NAA25: variants seen among roughly 807,000 people sequenced by gnomAD.
NAA25 encodes N-terminal acetyltransferase B complex subunit NAA25.
In NAA25, 30 loss-of-function variants were observed where a neutral mutation model predicts 132.5. The observed-to-expected ratio is 0.23, with a 90% CI of 0.17 to 0.31. The LOEUF (loss-of-function observed/expected upper bound fraction) is 0.31. Ranked by LOEUF, NAA25 falls within the 10% of genes least tolerant of loss-of-function variation. The probability of loss-of-function intolerance (pLI) is 1.00; values close to 1 mark genes in which losing one functional copy is unlikely to be tolerated. For missense variants in NAA25, 771 were observed against 1,150.4 expected (o/e 0.67, Z 4.77); for synonymous variants, 359 against 401.9 (o/e 0.89, Z 1.28).
chr12:112,026,888 A>G lies in NAA25; in HGVS notation c.*2643T>C, dbSNP rs79537185. 42 of 152,698 alleles carry G rather than the reference A, an allele frequency of 2.8e-4. No individual in the cohort carries two copies. In the East Asian group the frequency reaches 7.9e-3, roughly 29 times the overall value. 9.5% of individuals were successfully genotyped at this position (152,698 alleles called of 1,614,324 possible). ...AAAAGTTAAAATGAAAGACAAATCC[A>G]GATTGAACATAGTGATTGCAAAATA... On this transcript the variant is annotated 3_prime_UTR_variant, in exon 24 of 24. Coordinates refer to ENST00000261745, the MANE Select transcript of NAA25 (RefSeq NM_024953.4).
intron 19 of NAA25, 115 bp downstream of exon 19, chr12:112,042,973 C>T (rs1337978993): frequency 5.1e-6 from 5 of 979,722 alleles, no homozygotes; most frequent in Non-Finnish European, 5.9e-6. Context: ...ATTTGCAGAA[C>T]AGCTTCCAGC....
In NAA25 at chr12:112,061,319, C is replaced by T; in HGVS notation, c.1219G>A (p.Asp407Asn). 1 of 1,614,178 alleles carries T rather than the reference C, an allele frequency of 6.2e-7. No individual in the cohort carries two copies. The highest frequency in any genetic ancestry group is 8.5e-7 in the Non-Finnish European group (1 of 1,180,024). Residue 407 changes from aspartate to asparagine, a missense_variant, in exon 12 of 24, where the codon GAC (aspartate) becomes AAC (asparagine). By Grantham distance (23) the Asp-to-Asn change is conservative (BLOSUM62 1). This residue lies in a region of NAA25 where 417 missense variants were observed against 733.8 expected (regional missense o/e 0.57). Transcript: ENST00000261745. ...PTEDKLALPA[D>N]IRALQQHLCV... ...AAATGTTGCTGCAGAGCTCTGATGT[C>T]AGCAGGCAGTGCCAGCTTATCCTCT... is the stretch of plus-strand genomic sequence containing the variant.
intron 9 of NAA25, 105 bp from the exon 10 acceptor site, chr12:112,072,169 T>C (rs2078819763): frequency 1.3e-6 from 1 of 775,842 alleles, no homozygotes; most frequent in Non-Finnish European, 2.0e-6. Flanking sequence ...ACTTTGATAA[T>C]ATAAAATAAT....
intron 22 of NAA25, chr12:112,037,682 G>A (rs1011740610): frequency 1.4e-5 from 2 of 139,274 alleles, no homozygotes; most frequent in African/African-American, 5.3e-5. Flanking sequence ...CATTATTGGT[G>A]ATTTCAGATT....
intron 4 of NAA25, among the ~76,000 whole-genome samples, chr12:112,084,531 C>T (rs1398582023): frequency 6.6e-6 from 1 of 152,210 alleles, no homozygotes; most frequent in Non-Finnish European, 1.5e-5. Context: ...TGGCTCACGC[C>T]TGTAATCCCA....
intron 1 of NAA25, among the ~76,000 whole-genome samples, chr12:112,108,359 C>T (rs2079395508): frequency 6.6e-6 from 1 of 152,260 alleles, no homozygotes; most frequent in African/African-American, 2.4e-5. Context: ...CACCCTCGTG[C>T]CGGAGCCGGC....
Position 112,090,816 on chromosome 12 carries a change from A to C in NAA25, c.193T>G (p.Phe65Val). ...GCTGCCACCTCCTGTGCAAGAGTAA[A>C]GGCTTCCTCTTGCTTTCCAGTTCTC... Reference protein sequence around the residue: ...LQRTGKQEEAFTLAQEVAALE... With the variant: ...LQRTGKQEEAVTLAQEVAALE... The change falls in exon 3 of 24, where the codon TTT (phenylalanine) becomes GTT (valine). Residue 65 changes from phenylalanine to valine, a missense_variant. By Grantham distance (50) the Phe-to-Val change is conservative. Coordinates refer to ENST00000261745, the MANE Select transcript of NAA25 (RefSeq NM_024953.4). 1 of 1,613,456 alleles carries C rather than the reference A, an allele frequency of 6.2e-7. No individual in the cohort carries two copies. The highest frequency in any genetic ancestry group is 8.5e-7 in the Non-Finnish European group (1 of 1,179,412).
At chr12:112,070,935 C>T (rs999829362) in intron 10 of NAA25, among the ~76,000 whole-genome samples, 6 of 152,204 alleles carry the variant, frequency 3.9e-5, no homozygotes, top group East Asian at 1.9e-4. Context: ...TTAGTAGAGA[C>T]GGTGTTTCAC....
intron 16 of NAA25, 60 bp downstream of exon 16, chr12:112,048,232 A>G (rs190554988): frequency 1.8e-5 from 28 of 1,518,492 alleles, no homozygotes; most frequent in Non-Finnish European, 2.5e-5. Context: ...GAGCCCATTA[A>G]TGGCTCTTAA....
rs751857197 is a variant in NAA25 at position 112,090,745 on chromosome 12, A to C, written c.264T>G (p.Leu88=). 3.1e-6 allele frequency: 5 copies of C among 1,613,324 alleles called. No individual in the cohort carries two copies. The highest frequency in any genetic ancestry group is 1.7e-5 in the Admixed American group (1 of 59,716). The change falls in exon 3 of 24, where the codon CTT becomes CTG. Residue 88 remains leucine (L), a synonymous_variant. Transcript: ENST00000261745. ...DDNSLQALTI[L]YREMHRPELV... is the part of the protein sequence containing the mutation. ...ACATACGTCGGTGCATCTCCCGGTAAAGGATAGTCAGTGCCTGCAGTGAGT... is the reference window on the plus strand; with the variant it reads ...ACATACGTCGGTGCATCTCCCGGTACAGGATAGTCAGTGCCTGCAGTGAGT...
At chr12:112,038,245 C>G (rs1433660701) in intron 22 of NAA25, among the ~76,000 whole-genome samples, 1 of 152,126 alleles carries the variant, frequency 6.6e-6, no homozygotes, top group Non-Finnish European at 1.5e-5. Flanking sequence ...AACTCCTGAC[C>G]TCAAGTGATC....
intron 1 of NAA25, among the ~76,000 whole-genome samples, chr12:112,098,306 CA>C (rs1186205640): frequency 2.0e-5 from 3 of 152,092 alleles, no homozygotes; most frequent in East Asian, 3.9e-4. Context: ...GCGCTGGTAT[CA>C]AAGAGATTGT....
chr12:112,099,680 A>T (rs1480958238), intron 1 of NAA25, among the ~76,000 whole-genome samples: 2 of 152,200 alleles, frequency 1.3e-5, no homozygotes, highest in African/African-American at 4.8e-5. Flanking sequence ...TGCAGGCAGC[A>T]GCAGGCCTGG....
chr12:112,099,171 G>A (rs1322289989), intron 1 of NAA25, among the ~76,000 whole-genome samples: 1 of 151,928 alleles, frequency 6.6e-6, no homozygotes, highest in African/African-American at 2.4e-5. Flanking sequence ...TGTACTTTTA[G>A]TAGAGACGGG....
chr12:112,081,013 T>C (rs374043288), intron 5 of NAA25, 47 bp downstream of exon 5: 15 of 1,478,554 alleles, frequency 1.0e-5, no homozygotes, highest in South Asian at 9.1e-5. Flanking sequence ...AATAACTATA[T>C]AAAAAATAAA....
chr12:112,090,926 A>C, intron 2 of NAA25, 62 bp from the exon 3 acceptor site: 1 of 1,480,270 alleles, frequency 6.8e-7, no homozygotes, highest in Non-Finnish European at 9.2e-7. Flanking sequence ...TGAACCAAAG[A>C]AAGCCGATCT....
chr12:112,050,020 A>G (rs1190805059), intron 15 of NAA25, among the ~76,000 whole-genome samples: 1 of 151,826 alleles, frequency 6.6e-6, no homozygotes, highest in African/African-American at 2.4e-5. Context: ...TTTAATTTCT[A>G]AGTGGTCCGT....
chr12:112,056,417 C>T (rs1026580067), intron 13 of NAA25, among the ~76,000 whole-genome samples: 4 of 152,032 alleles, frequency 2.6e-5, no homozygotes, highest in African/African-American at 9.6e-5. Flanking sequence ...ACTAGCCAGG[C>T]ATGGTGGCAT....
intron 1 of NAA25, among the ~76,000 whole-genome samples, chr12:112,105,013 T>C (rs1166526338): frequency 6.7e-6 from 1 of 150,020 alleles, no homozygotes; most frequent in Non-Finnish European, 1.5e-5. Flanking sequence ...CAAGACTCCT[T>C]CTTAAAAAAA....
Sources: allele counts gnomAD v4.1 joint callset (sites outside exome capture counted in the v4.1 genomes callset), GRCh38; gene constraint gnomAD v4.1.1; regional missense constraint gnomAD v4.1.1; transcripts MANE v1.5; gene names NCBI Gene and HGNC (gene_info 2026-07-23, HGNC 2026-07-21).